CARMIL1: variants seen among roughly 807,000 people sequenced by gnomAD.
The protein encoded by CARMIL1 is capping protein regulator and myosin 1 linker 1, also known as F-actin-uncapping protein LRRC16A.
A neutral mutation model predicts 177.1 loss-of-function variants in CARMIL1; 90 were observed. The ratio of observed to expected loss-of-function variants is 0.51; its 90% CI spans 0.43 to 0.61. The LOEUF (loss-of-function observed/expected upper bound fraction) is 0.61. CARMIL1 is among the 20% of genes least tolerant of loss of function. The pLI, the probability that CARMIL1 is intolerant of heterozygous loss-of-function variation, is 0.00. For missense variants in CARMIL1, 1,380 were observed against 1,667.0 expected, an observed-to-expected ratio of 0.83 and a Z score of 3.00; for synonymous variants, 577 against 606.2, an observed-to-expected ratio of 0.95 and a Z score of 0.71.
At chr6:25,347,714 T>C (rs534654372) in intron 2 of CARMIL1, among the ~76,000 whole-genome samples, 1 of 152,340 alleles carries the variant, frequency 6.6e-6, no homozygotes, top group Non-Finnish European at 1.5e-5. Context: ...CTTATTTAAC[T>C]GTAGTAAATG....
At chr6:25,557,601 A>C (rs1810740503) in intron 29 of CARMIL1, among the ~76,000 whole-genome samples, 1 of 152,170 alleles carries the variant, frequency 6.6e-6, no homozygotes, top group Non-Finnish European at 1.5e-5. Flanking sequence ...TTTACTTTTT[A>C]ATAATTCCTT....
intron 31 of CARMIL1, among the ~76,000 whole-genome samples, chr6:25,583,400 A>AC (rs1813314463): frequency 6.8e-6 from 1 of 146,370 alleles, no homozygotes; most frequent in South Asian, 2.1e-4. Context: ...CTCATCACAC[A>AC]GAGTTTTCTC....
intron 5 of CARMIL1, among the ~76,000 whole-genome samples, chr6:25,445,200 C>T (rs550370563): frequency 3.3e-5 from 5 of 152,336 alleles, no homozygotes; most frequent in South Asian, 4.1e-4. Flanking sequence ...TAAGAAGCAA[C>T]TTCTCATTTG....
chr6:25,484,410 A>G (rs923145571), intron 12 of CARMIL1, among the ~76,000 whole-genome samples: 3 of 152,240 alleles, frequency 2.0e-5, no homozygotes, highest in Non-Finnish European at 2.9e-5. Flanking sequence ...CGTAAGTCCC[A>G]TGATTTTATG....
intron 5 of CARMIL1, among the ~76,000 whole-genome samples, chr6:25,443,032 T>C (rs1253247487): frequency 6.6e-6 from 1 of 152,230 alleles, no homozygotes; most frequent in African/African-American, 2.4e-5. Flanking sequence ...CTTCCTGTGT[T>C]TGAGTAGCTG....
intron 5 of CARMIL1, among the ~76,000 whole-genome samples, chr6:25,449,121 G>T (rs1798534512): frequency 6.6e-6 from 1 of 151,972 alleles, no homozygotes; most frequent in African/African-American, 2.4e-5. Flanking sequence ...TGAATTCCTG[G>T]GCTCAAGTAA....
At chr6:25,421,645 C>T (rs1377767907) in intron 3 of CARMIL1, among the ~76,000 whole-genome samples, 1 of 150,588 alleles carries the variant, frequency 6.6e-6, no homozygotes, top group African/African-American at 2.4e-5. Context: ...CAATGATAGA[C>T]TGGATTAAGA....
intron 22 of CARMIL1, among the ~76,000 whole-genome samples, chr6:25,518,783 C>T (rs1471600454): frequency 1.3e-5 from 2 of 152,146 alleles, no homozygotes; most frequent in Admixed American, 6.5e-5. Context: ...TATATATGCT[C>T]TGCTCCAAGA....
intron 20 of CARMIL1, among the ~76,000 whole-genome samples, chr6:25,514,648 G>A (rs1354575182): frequency 6.6e-6 from 1 of 151,882 alleles, no homozygotes; most frequent in African/African-American, 2.4e-5. Context: ...AAGGCTGAGT[G>A]TGGTGGCTCA....
rs1297352834 is a variant in CARMIL1, at chr6:25,326,084, G to C, written c.138+41175G>C. ...GGAGTTTCACCGTGTTGGCCAGGAT[G>C]GTGTCGATTTCCTGACCTCGTGATC... On this transcript the variant is annotated intron_variant, in intron 2 of 36. Transcript: ENST00000329474. The surrounding 1 kb of genome is among the most constrained non-coding windows in gnomAD (Gnocchi z 4.2). Among the ~76,000 whole-genome samples the C allele has an allele frequency of 6.6e-6, 1 of 152,110 alleles. No homozygotes were observed. Among genetic ancestry groups the C allele is most frequent in the Non-Finnish European group, 1.5e-5 (1 of 68,030 alleles).
intron 2 of CARMIL1, among the ~76,000 whole-genome samples, chr6:25,400,113 A>G (rs141159786): frequency 1.3e-5 from 2 of 152,312 alleles, no homozygotes; most frequent in African/African-American, 4.8e-5. Context: ...TGTCTGACTC[A>G]TAGAATCCAT....
At chr6:25,318,192 T>C (rs1432270454) in intron 2 of CARMIL1, among the ~76,000 whole-genome samples, 1 of 151,982 alleles carries the variant, frequency 6.6e-6, no homozygotes, top group African/African-American at 2.4e-5. Context: ...TTGACAGCTG[T>C]GCGCACAGTG....
intron 11 of CARMIL1, chr6:25,479,048 A>T (rs1045037052): frequency 2.7e-5 from 14 of 510,604 alleles, no homozygotes; most frequent in Non-Finnish European, 5.1e-5. Flanking sequence ...GTGCTCTGAC[A>T]TCCACAATGT....
Position 25,284,713 on chromosome 6 carries a change from G to C in CARMIL1, c.41-99G>C, listed in dbSNP as rs1781398052. On this transcript the variant is annotated intron_variant, in intron 1 of 36. Coordinates refer to ENST00000329474, the MANE Select transcript of CARMIL1 (RefSeq NM_017640.6). Reference sequence around the variant, plus strand: ...GACAGAGTAAGACTCTGTCTCAAAAGACAACAACAGTAAAAACAACCAAAT... The same window carrying C: ...GACAGAGTAAGACTCTGTCTCAAAACACAACAACAGTAAAAACAACCAAAT... 9 of 688,378 alleles carry C rather than the reference G, an allele frequency of 1.3e-5. No individual in the cohort carries two copies. The South Asian group carries it at 1.6e-4, about 13-fold the overall frequency. 42.6% of individuals were successfully genotyped at this position (688,378 alleles called of 1,614,324 possible).
chr6:25,403,870 C>T (rs771990165), intron 2 of CARMIL1, among the ~76,000 whole-genome samples: 2 of 152,170 alleles, frequency 1.3e-5, no homozygotes, highest in Non-Finnish European at 2.9e-5. Flanking sequence ...CTTATTTATT[C>T]CTGTATAATC....
At chr6:25,618,740 GTGGATTCTTCA>G (rs2151359475) in intron 36 of CARMIL1, among the ~76,000 whole-genome samples, 2 of 152,316 alleles carry the variant, frequency 1.3e-5, no homozygotes, top group Admixed American at 1.3e-4. Flanking sequence ...TAAAGCCTCA[GTGGATTCTTCA>G]TATTTATGTG....
At chr6:25,332,026 A>C (rs996732647) in intron 2 of CARMIL1, among the ~76,000 whole-genome samples, 5 of 152,134 alleles carry the variant, frequency 3.3e-5, no homozygotes, top group Admixed American at 2.6e-4. Flanking sequence ...TAAAAACATA[A>C]ATTTTGTTTT....
intron 20 of CARMIL1, among the ~76,000 whole-genome samples, chr6:25,514,939 A>AG (rs1269906999): frequency 6.6e-6 from 1 of 152,162 alleles, no homozygotes; most frequent in Non-Finnish European, 1.5e-5. Context: ...CAAAAAAAAA[A>AG]AAAAGATAAA....
At chr6:25,452,404 G>C in intron 8 of CARMIL1, 1 of 592,858 alleles carries the variant, frequency 1.7e-6, no homozygotes, top group Non-Finnish European at 3.0e-6. Context: ...ATTGCACGTG[G>C]AATAAGATAG....
Sources: allele counts gnomAD v4.1 joint callset (sites outside exome capture counted in the v4.1 genomes callset), GRCh38; gene constraint gnomAD v4.1.1; non-coding constraint Gnocchi (gnomAD v3.1); transcripts MANE v1.5; gene names NCBI Gene and HGNC (gene_info 2026-07-23, HGNC 2026-07-21).